NKAIN2: variants seen among roughly 807,000 people sequenced by gnomAD.
NKAIN2 encodes sodium/potassium-transporting ATPase subunit beta-1-interacting protein 2.
A neutral mutation model predicts 32.6 loss-of-function variants in NKAIN2; 14 were observed. The ratio of observed to expected loss-of-function variants is 0.43; its 90% CI spans 0.28 to 0.67. The LOEUF (loss-of-function observed/expected upper bound fraction) is 0.67, where lower values mean the gene tolerates loss of function less well. Ranked by LOEUF, NKAIN2 falls within the 30% of genes least tolerant of loss-of-function variation. The pLI is 0.17. For missense variants in NKAIN2, 198 were observed against 258.3 expected, an observed-to-expected ratio of 0.77 and a Z score of 1.60; for synonymous variants, 80 against 87.2, an observed-to-expected ratio of 0.92 and a Z score of 0.46.
At chr6:124,422,540 T>C (rs1774803414) in intron 3 of NKAIN2, among the ~76,000 whole-genome samples, 1 of 152,216 alleles carries the variant, frequency 6.6e-6, no homozygotes, top group Non-Finnish European at 1.5e-5. Context: ...ATCTTTGTTC[T>C]AAATTTACAA....
intron 1 of NKAIN2, among the ~76,000 whole-genome samples, chr6:124,200,580 T>A (rs1442471841): frequency 6.6e-6 from 1 of 152,162 alleles, no homozygotes; most frequent in South Asian, 2.1e-4. Flanking sequence ...TTAAATCACC[T>A]ACCACTTCAT....
intron 2 of NKAIN2, among the ~76,000 whole-genome samples, chr6:124,354,334 C>G (rs1451388645): frequency 2.6e-5 from 4 of 152,124 alleles, no homozygotes; most frequent in Non-Finnish European, 4.4e-5. Flanking sequence ...CAGTGTCTTG[C>G]TAGCATGTTG....
intron 5 of NKAIN2, among the ~76,000 whole-genome samples, chr6:124,806,257 CA>C (rs1309549261): frequency 6.6e-6 from 1 of 152,108 alleles, no homozygotes; most frequent in Non-Finnish European, 1.5e-5. Flanking sequence ...GGGTTACACA[CA>C]AAGGGAAGCC....
intron 1 of NKAIN2, among the ~76,000 whole-genome samples, chr6:123,857,380 G>A (rs1775596601): frequency 6.6e-6 from 1 of 151,988 alleles, no homozygotes; most frequent in African/African-American, 2.4e-5. Flanking sequence ...AGCTTGTAAA[G>A]TTGTAATTAT....
intron 3 of NKAIN2, 146 bp from the exon 4 acceptor site, chr6:124,658,040 G>T (rs572479837): frequency 4.2e-5 from 25 of 590,692 alleles, no homozygotes; most frequent in Non-Finnish European, 7.0e-5. Flanking sequence ...CTGTGTCCTC[G>T]CTTCCTGTAA....
chr6:124,402,711 A>C (rs1773678311), intron 3 of NKAIN2, among the ~76,000 whole-genome samples: 1 of 152,222 alleles, frequency 6.6e-6, no homozygotes, highest in Non-Finnish European at 1.5e-5. Context: ...ACAGAAAAGC[A>C]CATACTGCAT....
intron 1 of NKAIN2, among the ~76,000 whole-genome samples, chr6:124,112,534 T>A (rs1330433671): frequency 6.6e-6 from 1 of 152,190 alleles, no homozygotes; most frequent in Non-Finnish European, 1.5e-5. Context: ...ATAATGTGCC[T>A]CAGTGTGTAT....
rs527970064 is a variant in NKAIN2 at position 124,810,238 on chromosome 6, G to T, written c.536-8149G>T. ...GCAAAGACTTGGAACCAACCCAAAT[G>T]TCCAACAATGATAGACTGGATTAAG... On this transcript the variant is annotated intron_variant, in intron 5 of 6. Transcript: ENST00000368417. Among the ~76,000 whole-genome samples the T allele has an allele frequency of 3.9e-3, 589 of 151,886 alleles. 1 individual carries two copies. Among genetic ancestry groups the T allele is most frequent in the Non-Finnish European group, 6.3e-3 (429 of 67,914 alleles).
intron 3 of NKAIN2, among the ~76,000 whole-genome samples, chr6:124,473,949 G>A (rs1356155280): frequency 3.9e-5 from 6 of 152,132 alleles, no homozygotes; most frequent in Non-Finnish European, 8.8e-5. Context: ...TTATTCAGGT[G>A]CTGCTAACCA....
intron 1 of NKAIN2, among the ~76,000 whole-genome samples, chr6:123,852,325 A>C (rs1288072624): frequency 6.6e-6 from 1 of 152,144 alleles, no homozygotes; most frequent in Non-Finnish European, 1.5e-5. Flanking sequence ...TCTCTTAGCA[A>C]ATTTCAAGTA....
chr6:124,602,078 T>C (rs1391442461), intron 3 of NKAIN2, among the ~76,000 whole-genome samples: 2 of 152,048 alleles, frequency 1.3e-5, no homozygotes, highest in Non-Finnish European at 2.9e-5. Flanking sequence ...CCTTTCGGGC[T>C]CCCTACATTT....
At chr6:124,492,991 A>G (rs1317776608) in intron 3 of NKAIN2, among the ~76,000 whole-genome samples, 2 of 152,004 alleles carry the variant, frequency 1.3e-5, no homozygotes, top group Non-Finnish European at 2.9e-5. Context: ...TACACTAGCC[A>G]CTGTAAGCCT....
intron 1 of NKAIN2, among the ~76,000 whole-genome samples, chr6:124,072,862 T>G (rs1783524682): frequency 6.6e-6 from 1 of 152,206 alleles, no homozygotes; most frequent in South Asian, 2.1e-4. Context: ...TTTTCATTGA[T>G]CCTTGCTTTC....
At chr6:123,998,358 T>C (rs1779720750) in intron 1 of NKAIN2, among the ~76,000 whole-genome samples, 1 of 152,144 alleles carries the variant, frequency 6.6e-6, no homozygotes, top group Non-Finnish European at 1.5e-5. Context: ...TAATTATTAA[T>C]AAACATATAC....
At chr6:123,823,562 C>T (rs981967744) in intron 1 of NKAIN2, among the ~76,000 whole-genome samples, 1 of 152,042 alleles carries the variant, frequency 6.6e-6, no homozygotes. Context: ...GGAAATGTAC[C>T]TAGACAGTTG....
chr6:124,023,068 G>T (rs895287721), intron 1 of NKAIN2, among the ~76,000 whole-genome samples: 3 of 148,788 alleles, frequency 2.0e-5, no homozygotes, highest in Admixed American at 6.7e-5. Flanking sequence ...GTATGTATAA[G>T]TATATATATA....
chr6:123,941,949 G>T (rs1450779115), intron 1 of NKAIN2, among the ~76,000 whole-genome samples: 1 of 151,788 alleles, frequency 6.6e-6, no homozygotes, highest in Non-Finnish European at 1.5e-5. Context: ...TATACTCTGT[G>T]GTTCTGCAAT....
At chr6:124,310,173 G>A (rs997102387) in intron 2 of NKAIN2, among the ~76,000 whole-genome samples, 12 of 152,048 alleles carry the variant, frequency 7.9e-5, no homozygotes, top group Non-Finnish European at 1.6e-4. Context: ...GCATTGAAAA[G>A]CACATAGCTG....
Position 124,802,686 on chromosome 6 carries a change from T to C in NKAIN2, c.535+11287T>C, listed in dbSNP as rs556916686. ...TCATCGTGGATCACCTTCATTATGG[T>C]GGAAAGAGGCTTCTCTAAGATGCCC... On this transcript the variant is annotated intron_variant, in intron 5 of 6. Coordinates refer to ENST00000368417, the MANE Select transcript of NKAIN2 (RefSeq NM_001040214.3). Among the ~76,000 whole-genome samples the C allele has an allele frequency of 3.3e-5, 5 of 152,328 alleles. No homozygotes were observed. The South Asian group carries it at 1.0e-3, about 32-fold the overall frequency.
Sources: allele counts gnomAD v4.1 joint callset (sites outside exome capture counted in the v4.1 genomes callset), GRCh38; gene constraint gnomAD v4.1.1; transcripts MANE v1.5; gene names NCBI Gene and HGNC (gene_info 2026-07-23, HGNC 2026-07-21).